COL11A1: variants seen among roughly 807,000 people sequenced by gnomAD.
The protein encoded by COL11A1 is collagen type XI alpha 1 chain.
A neutral mutation model predicts 265.2 loss-of-function variants in COL11A1; 74 were observed. That is an observed-to-expected ratio of 0.28 (90% confidence interval 0.23 to 0.34). The LOEUF (loss-of-function observed/expected upper bound fraction) is 0.34. COL11A1 is among the 10% of genes least tolerant of loss of function. The pLI is 1.00. For synonymous variants in COL11A1, 816 were observed against 727.6 expected (o/e 1.12, Z -1.96); for missense variants, 2,165 against 2,263.6 (o/e 0.96, Z 0.88).
chr1:102,976,481 T>C (rs1301949332), intron 35 of COL11A1, among the ~76,000 whole-genome samples: 1 of 151,858 alleles, frequency 6.6e-6, no homozygotes, highest in African/African-American at 2.4e-5. Context: ...GTGCTTTTAG[T>C]AGAGGCAGGG....
chr1:103,036,275 T>C (rs1198495797), intron 4 of COL11A1, among the ~76,000 whole-genome samples: 1 of 148,254 alleles, frequency 6.7e-6, no homozygotes, highest in Non-Finnish European at 1.5e-5. Context: ...ATACAAATTA[T>C]AATGAATCAA....
At chr1:103,021,623 C>T in intron 9 of COL11A1, 84 bp downstream of exon 9, 1 of 894,212 alleles carries the variant, frequency 1.1e-6, no homozygotes, top group Admixed American at 1.7e-5. Context: ...ATTGGTAAAA[C>T]ACGAACATAC....
At chr1:102,944,431 A>C (rs931754022) in intron 42 of COL11A1, among the ~76,000 whole-genome samples, 1 of 152,168 alleles carries the variant, frequency 6.6e-6, no homozygotes. Flanking sequence ...TAAATAGCTA[A>C]TTTTGGCTAA....
chr1:103,097,456 T>A (rs902522889), intron 1 of COL11A1, among the ~76,000 whole-genome samples: 2 of 151,768 alleles, frequency 1.3e-5, no homozygotes, highest in Non-Finnish European at 2.9e-5. Flanking sequence ...CAATTGGTAC[T>A]TTCTCAGGGA....
intron 42 of COL11A1, among the ~76,000 whole-genome samples, chr1:102,941,358 C>G (rs1331909351): frequency 6.6e-6 from 1 of 152,166 alleles, no homozygotes; most frequent in Non-Finnish European, 1.5e-5. Context: ...TCCTTCCAAT[C>G]TATTCATCAC....
intron 37 of COL11A1, among the ~76,000 whole-genome samples, chr1:102,968,868 C>G (rs530719111): frequency 1.3e-5 from 2 of 152,084 alleles, no homozygotes; most frequent in Non-Finnish European, 2.9e-5. Context: ...AGTGGAAGCT[C>G]CAGATTAAAT....
At chr1:102,936,032 T>C (rs1658104662) in intron 44 of COL11A1, among the ~76,000 whole-genome samples, 1 of 152,176 alleles carries the variant, frequency 6.6e-6, no homozygotes, top group Admixed American at 6.5e-5. Flanking sequence ...TAGCATTAAT[T>C]GTATTTTACC....
At chr1:102,907,656 C>G (rs1654147121) in intron 54 of COL11A1, among the ~76,000 whole-genome samples, 1 of 151,994 alleles carries the variant, frequency 6.6e-6, no homozygotes, top group Non-Finnish European at 1.5e-5. Context: ...TTTTCCAGTT[C>G]AACGTTATAT....
At chr1:103,006,816 C>T (rs1665671843) in intron 15 of COL11A1, among the ~76,000 whole-genome samples, 1 of 152,104 alleles carries the variant, frequency 6.6e-6, no homozygotes, top group Non-Finnish European at 1.5e-5. Flanking sequence ...GCGTGAGCCA[C>T]CGCGCCCGGC....
chr1:103,025,786 T>C (rs756950761), intron 6 of COL11A1, 173 bp from the exon 7 acceptor site: 1 of 1,612,532 alleles, frequency 6.2e-7, no homozygotes, highest in Non-Finnish European at 8.5e-7. Context: ...TCTTGATTGC[T>C]TTTTCTTCGC....
intron 1 of COL11A1, among the ~76,000 whole-genome samples, chr1:103,106,748 C>G (rs72987894): frequency 6.6e-6 from 1 of 152,080 alleles, no homozygotes; most frequent in African/African-American, 2.4e-5. Context: ...AATAATCTAG[C>G]GCTGCCTGCT....
rs1296607621 is a variant in COL11A1, at chr1:103,017,885, A to C, written c.1351-3T>G. 1 of 1,610,228 alleles carries C rather than the reference A, an allele frequency of 6.2e-7. No homozygotes were observed. The highest frequency in any genetic ancestry group is 8.5e-7 in the Non-Finnish European group (1 of 1,176,688). ...AGACCTGGAGGACCCATAATACCCT[A>C]TAGAGAAACACACCATATCTTAATC... On this transcript the variant is annotated splice_polypyrimidine_tract_variant and splice_region_variant and intron_variant, in intron 10 of 66. Coordinates refer to ENST00000370096, the MANE Select transcript of COL11A1 (RefSeq NM_001854.4).
At chr1:103,021,557 C>A in intron 9 of COL11A1, 150 bp downstream of exon 9, 1 of 655,736 alleles carries the variant, frequency 1.5e-6, no homozygotes, top group South Asian at 1.7e-5. Flanking sequence ...CTAGACAAGA[C>A]CTTATTAACT....
chr1:102,958,840 T>C (rs1364830619), intron 41 of COL11A1, among the ~76,000 whole-genome samples: 1 of 152,186 alleles, frequency 6.6e-6, no homozygotes, highest in Non-Finnish European at 1.5e-5. Context: ...TGTGAATATT[T>C]CTGGTTTTTG....
intron 41 of COL11A1, among the ~76,000 whole-genome samples, chr1:102,960,008 T>C (rs369368178): frequency 6.6e-6 from 1 of 152,166 alleles, no homozygotes; most frequent in African/African-American, 2.4e-5. Flanking sequence ...TTTTAGAAGA[T>C]TCTATATCTA....
chr1:103,067,712 T>C (rs967951301), intron 4 of COL11A1, among the ~76,000 whole-genome samples: 1 of 151,636 alleles, frequency 6.6e-6, no homozygotes, highest in Non-Finnish European at 1.5e-5. Flanking sequence ...CTGTTCAAAT[T>C]ATTGATCTGG....
At chr1:103,091,699 T>C (rs933154034) in intron 1 of COL11A1, among the ~76,000 whole-genome samples, 1 of 152,086 alleles carries the variant, frequency 6.6e-6, no homozygotes, top group African/African-American at 2.4e-5. Context: ...GTTTACTTAA[T>C]ATATTTCTCC....
intron 1 of COL11A1, among the ~76,000 whole-genome samples, chr1:103,097,211 A>G (rs1411816942): frequency 6.6e-6 from 1 of 152,006 alleles, no homozygotes; most frequent in African/African-American, 2.4e-5. Flanking sequence ...TTAATTAGTG[A>G]CATGTTTCCA....
At chr1:103,031,273 C>G in intron 4 of COL11A1, 29 bp from the exon 5 acceptor site, 2 of 1,591,664 alleles carry the variant, frequency 1.3e-6, no homozygotes, top group Non-Finnish European at 1.7e-6. Context: ...CAAAAACAAA[C>G]AGACACAGAT....
Sources: gnomAD v4.1 joint callset for allele counts (sites outside exome capture counted in the v4.1 genomes callset) on GRCh38, gnomAD v4.1.1 for gene constraint, MANE v1.5 for transcripts, NCBI Gene and HGNC (gene_info 2026-07-23, HGNC 2026-07-21) for gene names.